FAM193A: variants seen among roughly 807,000 people sequenced by gnomAD.
FAM193A encodes the protein protein FAM193A.
Under a neutral mutation model 126.5 loss-of-function variants are expected in FAM193A, and 22 were observed. The ratio of observed to expected loss-of-function variants is 0.17; its 90% confidence interval spans 0.12 to 0.25. The LOEUF is 0.25. Among genes scored for constraint, FAM193A ranks in the 10% least tolerant of loss-of-function variants. The pLI, the probability that FAM193A is intolerant of heterozygous loss-of-function variation, is 1.00. For synonymous variants in FAM193A, 761 were observed against 646.8 expected, an observed-to-expected ratio of 1.18 and a Z score of -2.68; for missense variants, 1,675 against 1,672.8, an observed-to-expected ratio of 1.00 and a Z score of -0.02.
At chr4:2,572,246 T>C (rs977157401) in intron 1 of FAM193A, among the ~76,000 whole-genome samples, 1 of 151,544 alleles carries the variant, frequency 6.6e-6, no homozygotes, top group Non-Finnish European at 1.5e-5. Context: ...GGAGAATCGC[T>C]TGAACCTGGC....
At chr4:2,611,599 T>G (rs1741879360) in intron 2 of FAM193A, among the ~76,000 whole-genome samples, 2 of 151,892 alleles carry the variant, frequency 1.3e-5, no homozygotes, top group Admixed American at 1.3e-4. Context: ...TAACGACTTG[T>G]TGAGCATCTT....
intron 1 of FAM193A, among the ~76,000 whole-genome samples, chr4:2,557,672 G>T (rs1356281263): frequency 6.6e-6 from 1 of 152,062 alleles, no homozygotes; most frequent in Non-Finnish European, 1.5e-5. Context: ...TTAACTTTTG[G>T]CTGGGCACGG....
chr4:2,643,286 T>C (rs78333111), intron 6 of FAM193A, among the ~76,000 whole-genome samples: 2,713 of 152,246 alleles, frequency 0.018, 64 homozygotes, highest in African/African-American at 0.052. Flanking sequence ...TCATAAAAAT[T>C]TTGCTACTGA....
chr4:2,549,337 G>T (rs116244696), intron 1 of FAM193A, among the ~76,000 whole-genome samples: 1 of 150,456 alleles, frequency 6.6e-6, no homozygotes, highest in Non-Finnish European at 1.5e-5. Flanking sequence ...TCATTTCTAA[G>T]ATCTCCATTT....
rs200511084 is a variant in FAM193A, at chr4:2,720,647, TAA to T, written c.4454+4559_4454+4560del. Among the ~76,000 whole-genome samples the T allele has an allele frequency of 1.4e-3, 168 of 118,814 alleles. 2 individuals carry two copies. Among genetic ancestry groups the T allele is most frequent in the Middle Eastern group, 4.1e-3 (1 of 242 alleles). 77.9% of individuals were successfully genotyped at this position (118,814 alleles called of 152,430 possible). ...GCTTGGGCAACAGTGAGACTCTGTC[TAA>T]AAAAAAAAAAAAAAACAGTTATTTT... On this transcript the variant is annotated intron_variant, in intron 20 of 20. Transcript: ENST00000637812.
intron 20 of FAM193A, 112 bp downstream of exon 20, chr4:2,716,216 C>G (rs113989719): frequency 5.3e-6 from 4 of 751,058 alleles, no homozygotes; most frequent in Non-Finnish European, 7.2e-6. Context: ...TTACATCAAG[C>G]AAGCCAGACA....
intron 8 of FAM193A, among the ~76,000 whole-genome samples, chr4:2,658,279 C>G (rs777006823): frequency 2.6e-5 from 4 of 152,130 alleles, no homozygotes; most frequent in Non-Finnish European, 5.9e-5. Context: ...AATGGGGGCC[C>G]AGCATCCCCA....
intron 2 of FAM193A, among the ~76,000 whole-genome samples, chr4:2,616,665 T>G (rs569457174): frequency 1.3e-5 from 2 of 151,988 alleles, no homozygotes; most frequent in African/African-American, 4.8e-5. Context: ...GTTCACGCCA[T>G]TCTCCCACCT....
intron 2 of FAM193A, among the ~76,000 whole-genome samples, chr4:2,605,729 T>A (rs1577066224): frequency 6.6e-6 from 1 of 152,208 alleles, no homozygotes; most frequent in East Asian, 1.9e-4. Context: ...CCCAGCACTT[T>A]GGGAGGCCAA....
intron 1 of FAM193A, among the ~76,000 whole-genome samples, chr4:2,595,250 T>C (rs1469207008): frequency 6.6e-6 from 1 of 152,212 alleles, no homozygotes; most frequent in Admixed American, 6.5e-5. Flanking sequence ...AGTCTTGCTA[T>C]GTTACTGAGG....
chr4:2,536,464 A>T (rs1226131480), upstream of FAM193A, among the ~76,000 whole-genome samples: 1 of 151,344 alleles, frequency 6.6e-6, no homozygotes, highest in East Asian at 2.0e-4. Context: ...CTGCACGGGC[A>T]GCACGGACTT....
At chr4:2,550,756 T>G (rs1737868459) in intron 1 of FAM193A, among the ~76,000 whole-genome samples, 1 of 150,862 alleles carries the variant, frequency 6.6e-6, no homozygotes, top group Non-Finnish European at 1.5e-5. Flanking sequence ...TTGTTTTTGT[T>G]TTTTCAATTT....
intron 8 of FAM193A, 139 bp from the exon 9 acceptor site, chr4:2,659,419 C>T: frequency 1.5e-6 from 1 of 652,292 alleles, no homozygotes; most frequent in East Asian, 2.8e-5. Flanking sequence ...AGGTCTGCTG[C>T]CCCTGTATTC....
chr4:2,567,765 T>TTG (rs1297908535), intron 1 of FAM193A, among the ~76,000 whole-genome samples: 1 of 152,172 alleles, frequency 6.6e-6, no homozygotes, highest in Non-Finnish European at 1.5e-5. Context: ...ACAGGCACGG[T>TTG]TGTGTAGACT....
At chr4:2,604,760 G>A (rs1741428034) in intron 2 of FAM193A, among the ~76,000 whole-genome samples, 1 of 145,772 alleles carries the variant, frequency 6.9e-6, no homozygotes, top group Non-Finnish European at 1.5e-5. Flanking sequence ...GGTTTTAATT[G>A]AGAGTCTGCT....
At chr4:2,585,334 CT>C (rs1740173590) in intron 1 of FAM193A, among the ~76,000 whole-genome samples, 1 of 152,208 alleles carries the variant, frequency 6.6e-6, no homozygotes, top group Non-Finnish European at 1.5e-5. Context: ...TATTTTCACT[CT>C]ACCAGCAGTG....
intron 19 of FAM193A, among the ~76,000 whole-genome samples, chr4:2,709,865 A>G (rs1718718508): frequency 1.3e-5 from 2 of 152,202 alleles, no homozygotes; most frequent in South Asian, 4.1e-4. Flanking sequence ...GGTCCTTGCT[A>G]GCAGTCTTCT....
At chr4:2,535,746 C>T (rs35139572), upstream of FAM193A, among the ~76,000 whole-genome samples, 4,852 of 152,282 alleles carry the variant, frequency 0.032, 89 homozygotes, top group South Asian at 0.074. Flanking sequence ...TGGGACACGG[C>T]CGGATCGTCC....
At chr4:2,659,503 G>C in intron 8 of FAM193A, 55 bp from the exon 9 acceptor site, 1 of 1,191,484 alleles carries the variant, frequency 8.4e-7, no homozygotes, top group South Asian at 1.3e-5. Flanking sequence ...AAAATAATGA[G>C]CCATGTCTCG....
Sources: allele counts gnomAD v4.1 joint callset (sites outside exome capture counted in the v4.1 genomes callset), GRCh38; gene constraint gnomAD v4.1.1; transcripts MANE v1.5; gene names NCBI Gene and HGNC (gene_info 2026-07-23, HGNC 2026-07-21).